Variants in ELF1 observed in about 807,000 individuals in gnomAD.
ELF1 encodes E74 like ETS transcription factor 1.
Under a neutral mutation model 59.9 loss-of-function variants are expected in ELF1, and 24 were observed. That is an observed-to-expected ratio of 0.40 (90% CI 0.29 to 0.56). ELF1 has a LOEUF of 0.56. Among genes scored for constraint, ELF1 ranks in the 20% least tolerant of loss-of-function variants. ELF1 has a pLI of 0.44. For synonymous variants in ELF1, 248 were observed against 266.2 expected (o/e 0.93, Z 0.67); for missense variants, 627 against 742.2 (o/e 0.84, Z 1.80).
chr13:40,985,659 A>T (rs1199815521), intron 1 of ELF1, among the ~76,000 whole-genome samples: 1 of 152,228 alleles, frequency 6.6e-6, no homozygotes, highest in Non-Finnish European at 1.5e-5. Flanking sequence ...CCTTGAAGTC[A>T]GTGTGTAAAA....
intron 2 of ELF1, among the ~76,000 whole-genome samples, chr13:40,969,226 GAT>G (rs1162437937): frequency 2.0e-5 from 3 of 152,118 alleles, no homozygotes; most frequent in Non-Finnish European, 2.9e-5. Context: ...ACTAATCCTA[GAT>G]ATAATCAGTA....
chr13:41,048,695 G>A (rs1033824953), intron 1 of ELF1, among the ~76,000 whole-genome samples: 21 of 151,644 alleles, frequency 1.4e-4, no homozygotes, highest in African/African-American at 4.8e-4. Flanking sequence ...TTACAGTTGT[G>A]AGCTACTACG....
At chr13:40,965,106 T>TA (rs1872095796) in intron 2 of ELF1, among the ~76,000 whole-genome samples, 1 of 152,230 alleles carries the variant, frequency 6.6e-6, no homozygotes, top group Non-Finnish European at 1.5e-5. Flanking sequence ...ATAACTTGTA[T>TA]AAACTAGTCT....
intron 5 of ELF1, among the ~76,000 whole-genome samples, chr13:40,944,677 G>A (rs944071164): frequency 3.3e-5 from 5 of 152,080 alleles, no homozygotes; most frequent in South Asian, 2.1e-4. Flanking sequence ...GCCTAGCAGC[G>A]CCACTGCCTT....
intron 1 of ELF1, among the ~76,000 whole-genome samples, chr13:41,026,878 T>C (rs1357248040): frequency 1.3e-5 from 2 of 152,248 alleles, no homozygotes; most frequent in African/African-American, 4.8e-5. Flanking sequence ...ACACTGTCTT[T>C]TCTCACCCAG....
chr13:41,049,616 C>T (rs1340773256), intron 1 of ELF1, among the ~76,000 whole-genome samples: 1 of 152,174 alleles, frequency 6.6e-6, no homozygotes, highest in Non-Finnish European at 1.5e-5. Context: ...ACACTCTTTC[C>T]TCCTTGCAGA....
chr13:41,001,398 G>A (rs534422408), intron 1 of ELF1, among the ~76,000 whole-genome samples: 20 of 152,026 alleles, frequency 1.3e-4, no homozygotes, highest in Non-Finnish European at 2.5e-4. Context: ...GACCAACCCA[G>A]GCAACATAGC....
upstream of ELF1, among the ~76,000 whole-genome samples, chr13:41,021,872 C>A (rs573382115): frequency 5.9e-5 from 9 of 152,228 alleles, no homozygotes; most frequent in South Asian, 1.5e-3. Context: ...ATTAATGTGA[C>A]ACCACCACAA....
At position 40,998,128 on chromosome 13, in the gene ELF1, CAG is replaced by C. The variant is rs1454758240; in HGVS notation, c.-228-15848_-228-15847del. ...CATCACTGTACTCCAGCCTGGAAGACAGAGAGACCCTGTCTCAAAAAAACAAA... is the reference window on the plus strand; with the variant it reads ...CATCACTGTACTCCAGCCTGGAAGACAGAGACCCTGTCTCAAAAAAACAAA... On this transcript the variant is annotated intron_variant, in intron 1 of 8. Coordinates refer to ENST00000239882, the MANE Select transcript of ELF1 (RefSeq NM_172373.4). 2.0e-5 allele frequency among the ~76,000 whole-genome samples: 3 copies of C among 152,170 alleles called. No individual in the cohort carries two copies. The South Asian group carries it at 6.2e-4, about 32-fold the overall frequency.
chr13:40,987,967 T>G lies in ELF1; in HGVS notation c.-228-5685A>C, dbSNP rs944415055. 1.3e-5 allele frequency among the ~76,000 whole-genome samples: 2 copies of G among 150,990 alleles called. 1 individual carries two copies. Among genetic ancestry groups the G allele is most frequent in the African/African-American group, 4.9e-5 (2 of 40,986 alleles). Reference sequence around the variant, plus strand: ...ATAACAGAAATGAAAGAAAACAGAGTAAGAAAGTGAGAGAAAAGAAGTGAA... The same window carrying G: ...ATAACAGAAATGAAAGAAAACAGAGGAAGAAAGTGAGAGAAAAGAAGTGAA... On this transcript the variant is annotated intron_variant, in intron 1 of 8. Coordinates refer to ENST00000239882, the MANE Select transcript of ELF1 (RefSeq NM_172373.4).
Position 41,046,597 on chromosome 13 carries a change from A to C in ELF1, c.-229+14241T>G, listed in dbSNP as rs909365395. ...GGGTTGAAAACTCTTTTCTTTAATA[A>C]TGTTGAATATCGGCCCCCACTCTCT... On this transcript the variant is annotated intron_variant, in intron 1 of 1. Transcript: ENST00000405737. Among the ~76,000 whole-genome samples, 5 of 152,150 alleles carry C rather than the reference A, an allele frequency of 3.3e-5. 1 individual carries two copies. Among genetic ancestry groups the C allele is most frequent in the African/African-American group, 1.2e-4 (5 of 41,410 alleles).
intron 1 of ELF1, among the ~76,000 whole-genome samples, chr13:41,038,866 A>T (rs1208632975): frequency 6.6e-6 from 1 of 151,920 alleles, no homozygotes; most frequent in Non-Finnish European, 1.5e-5. Context: ...AAATGCAAAA[A>T]TAAGCCAGAC....
exon 1 of ELF1, chr13:41,061,251 C>T (rs1412840422): frequency 1.1e-5 from 3 of 267,554 alleles, no homozygotes; most frequent in African/African-American, 6.7e-5. Flanking sequence ...CGCTGAGCTC[C>T]TTGGCCTTGA....
chr13:40,954,643 T>C (rs1226659059), intron 3 of ELF1, among the ~76,000 whole-genome samples: 3 of 152,022 alleles, frequency 2.0e-5, no homozygotes, highest in South Asian at 4.2e-4. Flanking sequence ...GGAGGCGGGG[T>C]TTTGCTGTGT....
chr13:40,980,191 G>C (rs1017349001), intron 2 of ELF1, among the ~76,000 whole-genome samples: 1 of 152,118 alleles, frequency 6.6e-6, no homozygotes, highest in Non-Finnish European at 1.5e-5. Flanking sequence ...AATCAAACTG[G>C]CTGAGTTCAA....
chr13:40,936,621 T>C (rs947090853), intron 8 of ELF1, among the ~76,000 whole-genome samples: 2 of 150,534 alleles, frequency 1.3e-5, no homozygotes, highest in Non-Finnish European at 1.5e-5. Flanking sequence ...CATAGTCGGG[T>C]GTGGTGGCGG....
chr13:41,037,958 T>C (rs1238399350), intron 1 of ELF1, among the ~76,000 whole-genome samples: 2 of 151,938 alleles, frequency 1.3e-5, no homozygotes, highest in Non-Finnish European at 2.9e-5. Context: ...CCAACCTCTC[T>C]ACTTTCACTC....
chr13:41,054,146 T>C (rs7329068), intron 1 of ELF1, among the ~76,000 whole-genome samples: 39,898 of 152,086 alleles, frequency 0.26, 5,429 homozygotes, highest in South Asian at 0.4. Flanking sequence ...CCCTTCCATA[T>C]GAAATTTCTA....
chr13:40,945,055 G>C (rs1211115158), intron 5 of ELF1, among the ~76,000 whole-genome samples: 6 of 152,136 alleles, frequency 3.9e-5, no homozygotes, highest in African/African-American at 1.4e-4. Flanking sequence ...TTTCATCACT[G>C]GAGACATCTG....
Sources: gnomAD v4.1 joint callset for allele counts (sites outside exome capture counted in the v4.1 genomes callset) on GRCh38, gnomAD v4.1.1 for gene constraint, MANE v1.5 for transcripts, NCBI Gene and HGNC (gene_info 2026-07-23, HGNC 2026-07-21) for gene names.